The following PARD3B variants were observed in gnomAD, a reference collection of about 807,000 sequenced individuals.
PARD3B encodes partitioning defective 3 homolog B.
In PARD3B, 103 loss-of-function variants were observed where a neutral mutation model predicts 130.2. That is an observed-to-expected ratio of 0.79 (90% CI 0.67 to 0.93). The LOEUF is 0.93. Ranked by LOEUF, PARD3B falls within the 40% of genes least tolerant of loss-of-function variation. The probability of loss-of-function intolerance (pLI) is 0.00; values close to 1 mark genes in which losing one functional copy is unlikely to be tolerated. For synonymous variants in PARD3B, 583 were observed against 553.2 expected (o/e 1.05, Z -0.76); for missense variants, 1,609 against 1,499.2 (o/e 1.07, Z -1.21).
intron 16 of PARD3B, 66 bp downstream of exon 16, chr2:205,245,888 A>G (rs2039551356): frequency 4.4e-6 from 6 of 1,354,022 alleles, no homozygotes; most frequent in Non-Finnish European, 6.4e-6. Context: ...TTTTAGTAGC[A>G]GTTGGAACCT....
At chr2:204,753,304 T>G (rs1438991817) in intron 2 of PARD3B, among the ~76,000 whole-genome samples, 1 of 152,188 alleles carries the variant, frequency 6.6e-6, no homozygotes, top group Non-Finnish European at 1.5e-5. Context: ...TCTTCAGTTT[T>G]TCATCCACAT....
At chr2:205,580,548 A>G (rs1470856017) in intron 22 of PARD3B, among the ~76,000 whole-genome samples, 1 of 152,200 alleles carries the variant, frequency 6.6e-6, no homozygotes, top group African/African-American at 2.4e-5. Flanking sequence ...TCAAATCTGC[A>G]CCAAAAGCTA....
intron 11 of PARD3B, among the ~76,000 whole-genome samples, chr2:205,161,089 T>C (rs849116): frequency 0.69 from 104,246 of 151,960 alleles, 36,228 homozygotes; most frequent in Admixed American, 0.78. Flanking sequence ...GCTCTATTTG[T>C]AGAATTTACT....
At chr2:204,853,784 T>C (rs750551204) in intron 2 of PARD3B, among the ~76,000 whole-genome samples, 6 of 152,196 alleles carry the variant, frequency 3.9e-5, no homozygotes, top group Admixed American at 6.5e-5. Flanking sequence ...CTTGCCCATA[T>C]AGGCCTCATT....
Position 204,556,621 on chromosome 2 carries a change from G to T in PARD3B, c.120+10502G>T, listed in dbSNP as rs369988019. Among the ~76,000 whole-genome samples the T allele has an allele frequency of 1.4e-3, 212 of 152,328 alleles. 1 individual carries two copies. In the South Asian group the frequency reaches 0.033, roughly 23 times the overall value. On this transcript the variant is annotated intron_variant, in intron 1 of 22. Coordinates refer to ENST00000406610, the MANE Select transcript of PARD3B (RefSeq NM_001302769.2). ...TGTGAAAAGTTGAGCGTAGCCTGGA[G>T]AGGAGTGGGTGCACACACTAATTTG...
At chr2:204,630,348 G>C (rs1295451504) in intron 1 of PARD3B, among the ~76,000 whole-genome samples, 3 of 152,132 alleles carry the variant, frequency 2.0e-5, no homozygotes, top group Admixed American at 1.3e-4. Context: ...TGTCTGCTTA[G>C]GGAACTTTGA....
At position 204,867,119 on chromosome 2, in the gene PARD3B, A is replaced by C. The variant is rs532343326; in HGVS notation, c.223-98033A>C. 5.6e-4 allele frequency among the ~76,000 whole-genome samples: 86 copies of C among 152,270 alleles called. No individual in the cohort carries two copies. The South Asian group carries it at 0.016, about 28-fold the overall frequency. ...AAAATAAAATTGTCCTTATCAAAAC[A>C]GTGCTTTCCTACCACTTGGTAAAGC... On this transcript the variant is annotated intron_variant, in intron 2 of 22. Coordinates refer to ENST00000406610, the MANE Select transcript of PARD3B (RefSeq NM_001302769.2).
chr2:204,870,535 T>C (rs918968161), intron 2 of PARD3B, among the ~76,000 whole-genome samples: 2 of 152,192 alleles, frequency 1.3e-5, no homozygotes, highest in Non-Finnish European at 2.9e-5. Flanking sequence ...GAGAATGAAA[T>C]GCTCGGGGTA....
intron 3 of PARD3B, among the ~76,000 whole-genome samples, chr2:204,984,222 C>T (rs376772997): frequency 1.8e-4 from 28 of 152,166 alleles, no homozygotes; most frequent in African/African-American, 6.5e-4. Context: ...TAAAAGGTCT[C>T]AACTTACATT....
At position 205,487,263 on chromosome 2, in the gene PARD3B, G is replaced by A. The variant is rs185459993; in HGVS notation, c.3045-12633G>A. ...CTTTAGCTTCTTTCAATTGAAAAAT[G>A]TTTTCTCCTTTTTTAAAACACTCTT... is the stretch of plus-strand genomic sequence containing the variant. On this transcript the variant is annotated intron_variant, in intron 20 of 22. Coordinates refer to ENST00000406610, the MANE Select transcript of PARD3B (RefSeq NM_001302769.2). Among the ~76,000 whole-genome samples the A allele has an allele frequency of 5.9e-5, 9 of 152,196 alleles. No individual in the cohort carries two copies. In the South Asian group the frequency reaches 1.5e-3, roughly 25 times the overall value.
At chr2:204,561,636 C>T (rs964441636) in intron 1 of PARD3B, among the ~76,000 whole-genome samples, 1 of 150,176 alleles carries the variant, frequency 6.7e-6, no homozygotes, top group Non-Finnish European at 1.5e-5. Flanking sequence ...GCTCTTGTCA[C>T]CCAGGTTGGA....
intron 5 of PARD3B, among the ~76,000 whole-genome samples, chr2:205,107,043 A>G (rs1575803466): frequency 6.6e-6 from 1 of 152,220 alleles, no homozygotes; most frequent in African/African-American, 2.4e-5. Flanking sequence ...TGGCCCATGC[A>G]TAGGACTTTG....
At chr2:205,147,441 A>T (rs1472205434) in intron 10 of PARD3B, among the ~76,000 whole-genome samples, 1 of 152,188 alleles carries the variant, frequency 6.6e-6, no homozygotes, top group African/African-American at 2.4e-5. Context: ...GGTACTGACT[A>T]AATATTACAT....
intron 18 of PARD3B, among the ~76,000 whole-genome samples, chr2:205,359,803 C>G (rs544259401): frequency 2.2e-4 from 34 of 152,106 alleles, no homozygotes; most frequent in Middle Eastern, 6.8e-3. Flanking sequence ...CACCCTTTAC[C>G]GCACAATGAC....
intron 2 of PARD3B, among the ~76,000 whole-genome samples, chr2:204,941,405 G>C (rs1296848055): frequency 1.3e-5 from 2 of 152,156 alleles, no homozygotes; most frequent in East Asian, 3.9e-4. Flanking sequence ...AACACCTTAA[G>C]GATGGCAATT....
chr2:204,740,953 A>T (rs1268570341), intron 2 of PARD3B, among the ~76,000 whole-genome samples: 2 of 152,330 alleles, frequency 1.3e-5, no homozygotes, highest in East Asian at 3.9e-4. Flanking sequence ...AAAAGCAATG[A>T]TGACTTCTAA....
intron 21 of PARD3B, among the ~76,000 whole-genome samples, chr2:205,531,805 T>A (rs936098140): frequency 6.6e-6 from 1 of 152,214 alleles, no homozygotes; most frequent in Non-Finnish European, 1.5e-5. Context: ...GGTGATCTGA[T>A]GCATATGGAT....
At chr2:205,535,540 A>G (rs2051811876) in intron 21 of PARD3B, among the ~76,000 whole-genome samples, 1 of 152,162 alleles carries the variant, frequency 6.6e-6, no homozygotes, top group Admixed American at 6.6e-5. Context: ...TTAATATGAT[A>G]TTTGTTTGTA....
intron 4 of PARD3B, among the ~76,000 whole-genome samples, chr2:205,058,724 C>T (rs1575668747): frequency 6.6e-6 from 1 of 151,856 alleles, no homozygotes; most frequent in South Asian, 2.1e-4. Flanking sequence ...TACTTATTGG[C>T]CATTCATGTA....
Sources: allele counts gnomAD v4.1 joint callset (sites outside exome capture counted in the v4.1 genomes callset), GRCh38; gene constraint gnomAD v4.1.1; transcripts MANE v1.5; gene names NCBI Gene and HGNC (gene_info 2026-07-23, HGNC 2026-07-21).